PHLDB2: variants seen among roughly 807,000 people sequenced by gnomAD.
The protein encoded by PHLDB2 is pleckstrin homology-like domain family B member 2.
Under a neutral mutation model 123.6 loss-of-function variants are expected in PHLDB2, and 71 were observed. The observed-to-expected ratio is 0.57, with a 90% confidence interval of 0.47 to 0.70. The LOEUF (loss-of-function observed/expected upper bound fraction) is 0.70, where lower values mean the gene tolerates loss of function less well. PHLDB2 is among the 30% of genes least tolerant of loss of function. The pLI, the probability that PHLDB2 is intolerant of heterozygous loss-of-function variation, is 0.00. For synonymous variants in PHLDB2, 547 were observed against 541.6 expected, an observed-to-expected ratio of 1.01 and a Z score of -0.14; for missense variants, 1,446 against 1,519.5, an observed-to-expected ratio of 0.95 and a Z score of 0.80.
At chr3:111,734,785 G>T (rs1941629865) in intron 1 of PHLDB2, among the ~76,000 whole-genome samples, 1 of 152,172 alleles carries the variant, frequency 6.6e-6, no homozygotes, top group South Asian at 2.1e-4. Flanking sequence ...TAAGGTCATG[G>T]AGTTGACCAT....
At chr3:111,940,043 A>T (rs1161628260) in intron 7 of PHLDB2, among the ~76,000 whole-genome samples, 2 of 152,218 alleles carry the variant, frequency 1.3e-5, no homozygotes, top group East Asian at 3.8e-4. Context: ...CATGTGGATT[A>T]CTACTGACTC....
rs760092632 is a variant in PHLDB2, at chr3:111,962,189, A to G, written c.2954A>G (p.Tyr985Cys). 5 of 1,583,088 alleles carry G rather than the reference A, an allele frequency of 3.2e-6. No homozygotes were observed. In the East Asian group the frequency reaches 9.0e-5, roughly 29 times the overall value. ...YNRTASESNVYLNSFHYPDHS... is the reference protein window; with the variant it reads ...YNRTASESNVCLNSFHYPDHS... Reference sequence around the variant, plus strand: ...CGCACAGCATCTGAATCAAATGTCTACTTGAATAGTTTCCATTATCCAGAT... The same window carrying G: ...CGCACAGCATCTGAATCAAATGTCTGCTTGAATAGTTTCCATTATCCAGAT... The change falls in exon 13 of 18, where the codon TAC becomes TGC. Residue 985 changes from tyrosine (Y) to cysteine (C), a missense_variant. Physicochemically the swap from Tyr to Cys is radical, Grantham distance 194 (BLOSUM62 -2). This residue lies in a region of PHLDB2 where 594 missense variants were observed against 646.0 expected (regional missense o/e 0.92). Coordinates refer to ENST00000431670, the MANE Select transcript of PHLDB2 (RefSeq NM_001134438.2).
intron 1 of PHLDB2, among the ~76,000 whole-genome samples, chr3:111,774,739 G>T (rs1025542042): frequency 6.6e-6 from 1 of 152,214 alleles, no homozygotes; most frequent in Non-Finnish European, 1.5e-5. Flanking sequence ...CCCCAAATTC[G>T]TGGTGTTTTT....
chr3:111,806,474 T>C (rs1254385746), intron 1 of PHLDB2, among the ~76,000 whole-genome samples: 6 of 152,096 alleles, frequency 3.9e-5, no homozygotes, highest in Non-Finnish European at 8.8e-5. Flanking sequence ...TCTTTTCTTT[T>C]TTTTTCTTCT....
intron 1 of PHLDB2, among the ~76,000 whole-genome samples, chr3:111,830,993 GAA>G (rs1327397219): frequency 4.1e-5 from 3 of 73,084 alleles, no homozygotes; most frequent in African/African-American, 2.3e-4. Context: ...AAGAAAGAAA[GAA>G]AGAAAGAAAG....
At chr3:111,781,364 A>T (rs2060469521) in intron 1 of PHLDB2, among the ~76,000 whole-genome samples, 1 of 151,790 alleles carries the variant, frequency 6.6e-6, no homozygotes. Context: ...CATGTCTCCC[A>T]TCCTTCTTTA....
chr3:111,834,164 A>G (rs2063244825), intron 1 of PHLDB2, among the ~76,000 whole-genome samples: 1 of 125,508 alleles, frequency 8.0e-6, no homozygotes, highest in Admixed American at 8.6e-5. Context: ...TATATTATAT[A>G]TGTAATAGAA....
At chr3:111,770,383 T>C (rs532805062) in intron 1 of PHLDB2, among the ~76,000 whole-genome samples, 1 of 152,232 alleles carries the variant, frequency 6.6e-6, no homozygotes, top group Non-Finnish European at 1.5e-5. Context: ...ATTAGTAAGA[T>C]TGCAAATTTA....
At chr3:111,860,415 G>A (rs1004727515) in intron 1 of PHLDB2, among the ~76,000 whole-genome samples, 1 of 152,258 alleles carries the variant, frequency 6.6e-6, no homozygotes, top group African/African-American at 2.4e-5. Context: ...GCAGCTGGAA[G>A]GCTTGGGGAG....
intron 1 of PHLDB2, among the ~76,000 whole-genome samples, chr3:111,840,144 T>C (rs1355082576): frequency 1.3e-5 from 2 of 151,660 alleles, no homozygotes; most frequent in Non-Finnish European, 2.9e-5. Flanking sequence ...CCTACCTGCT[T>C]GGAAGACTGA....
intron 16 of PHLDB2, among the ~76,000 whole-genome samples, chr3:111,972,327 C>G (rs12486270): frequency 0.6 from 90,826 of 151,850 alleles, 27,211 homozygotes; most frequent in Middle Eastern, 0.64. Context: ...AAAAAAATAT[C>G]GTCAATGGGC....
At chr3:111,797,765 A>G (rs930625378) in intron 1 of PHLDB2, among the ~76,000 whole-genome samples, 12 of 152,238 alleles carry the variant, frequency 7.9e-5, no homozygotes, top group Non-Finnish European at 1.5e-4. Context: ...TTAACTTTGC[A>G]GAAAACAGAA....
At position 111,885,167 on chromosome 3, in the gene PHLDB2, C is replaced by T. The variant is rs150194124; in HGVS notation, c.1090C>T (p.Pro364Ser). 1.8e-5 allele frequency: 29 copies of T among 1,614,110 alleles called. No homozygotes were observed. The African/African-American group carries it at 3.3e-4, about 19-fold the overall frequency. ...TCAGGCTTCATATGTGGGGACAAAC[C>T]CGAGTCATTCACTTCTTGCTGGAGA... ...FDQASYVGTNPSHSLLAGESD... is the reference protein window; with the variant it reads ...FDQASYVGTNSSHSLLAGESD... Residue 364 changes from proline to serine, a missense_variant, in exon 2 of 18, where the codon CCG becomes TCG. This residue lies in a region of PHLDB2 where 832 missense variants were observed against 831.9 expected (regional missense o/e 1.00). Coordinates refer to ENST00000431670, the MANE Select transcript of PHLDB2 (RefSeq NM_001134438.2).
rs187119573 is a variant in PHLDB2 at position 111,741,576 on chromosome 3, G to T, written c.-49+8873G>T. ...GTGTGTCTGTGTGTGTGTGTTACGT[G>T]GAAAGAATTTTAATATGAGAAGGGC... On this transcript the variant is annotated intron_variant, in intron 1 of 17. Transcript: ENST00000393923. 1.3e-4 allele frequency among the ~76,000 whole-genome samples: 20 copies of T among 151,978 alleles called. 1 individual carries two copies. Among genetic ancestry groups the T allele is most frequent in the African/African-American group, 4.3e-4 (18 of 41,448 alleles).
chr3:111,803,416 G>A (rs988614167), intron 1 of PHLDB2, among the ~76,000 whole-genome samples: 6 of 152,124 alleles, frequency 3.9e-5, no homozygotes, highest in South Asian at 2.1e-4. Flanking sequence ...GAAACTTCCC[G>A]GGAGAATGTG....
chr3:111,914,211 G>GT (rs75482436), intron 3 of PHLDB2: 1,727 of 137,454 alleles, frequency 0.013, 20 homozygotes, highest in African/African-American at 0.036. Flanking sequence ...TATTTTCAGG[G>GT]TTTTTTTTTT....
intron 1 of PHLDB2, among the ~76,000 whole-genome samples, chr3:111,873,050 T>C (rs953852357): frequency 6.6e-6 from 1 of 152,218 alleles, no homozygotes; most frequent in Non-Finnish European, 1.5e-5. Flanking sequence ...CTCTGGAATA[T>C]CCTGCCATCC....
At position 111,898,162 on chromosome 3, in the gene PHLDB2, T is replaced by TG. The variant is rs2066976800; in HGVS notation, c.1335+12750_1335+12751insG. 3.7e-5 allele frequency among the ~76,000 whole-genome samples: 5 copies of TG among 135,980 alleles called. No individual in the cohort carries two copies. The South Asian group carries it at 1.1e-3, about 29-fold the overall frequency. The allele number at this position is 135,980 out of a possible 152,430, so 89.2% of individuals were successfully genotyped here. A position where few individuals can be genotyped will look rare whatever the true frequency, so the allele number is the denominator to read the frequency against. ...GGTTGGAGTGGCTGTGGCAATTTCT[T>TG]TGTGTGTGTGTGTGTGTGTTTGTGT... is the stretch of plus-strand genomic sequence containing the variant. On this transcript the variant is annotated intron_variant, in intron 2 of 17. Transcript: ENST00000431670.
intron 2 of PHLDB2, among the ~76,000 whole-genome samples, chr3:111,896,985 C>T (rs1217215276): frequency 6.6e-6 from 1 of 152,094 alleles, no homozygotes; most frequent in Non-Finnish European, 1.5e-5. Flanking sequence ...TAACATCTTG[C>T]CAAACTATAG....
Sources: gnomAD v4.1 joint callset for allele counts (sites outside exome capture counted in the v4.1 genomes callset) on GRCh38, gnomAD v4.1.1 for gene constraint, gnomAD v4.1.1 regional missense constraint, MANE v1.5 for transcripts, NCBI Gene and HGNC (gene_info 2026-07-23, HGNC 2026-07-21) for gene names.